Variants in RASAL2 observed in about 807,000 individuals in gnomAD.
The protein encoded by RASAL2 is RAS protein activator like 2, also known as ras GTPase-activating protein nGAP.
RASAL2 carries 58 observed loss-of-function variants against 128.9 expected under a neutral mutation model. The ratio of observed to expected loss-of-function variants is 0.45; its 90% CI spans 0.36 to 0.56. The LOEUF (loss-of-function observed/expected upper bound fraction) is 0.56, where lower values mean the gene tolerates loss of function less well. Among genes scored for constraint, RASAL2 ranks in the 20% least tolerant of loss-of-function variants. RASAL2 has a pLI of 0.00. For missense variants in RASAL2, 1,360 were observed against 1,601.6 expected (o/e 0.85, Z 2.57); for synonymous variants, 561 against 580.8 (o/e 0.97, Z 0.49).
chr1:178,260,363 A>AAT (rs71108040), intron 1 of RASAL2, among the ~76,000 whole-genome samples: 2 of 17,570 alleles, frequency 1.1e-4, no homozygotes, highest in African/African-American at 1.7e-4. Flanking sequence ...AAAAAAAAAA[A>AAT]ATATATATAT....
intron 1 of RASAL2, among the ~76,000 whole-genome samples, chr1:178,245,097 T>A (rs769062801): frequency 1.3e-5 from 2 of 152,228 alleles, no homozygotes; most frequent in Non-Finnish European, 2.9e-5. Context: ...TACCCAGTAA[T>A]GGGATTGCTG....
intron 1 of RASAL2, among the ~76,000 whole-genome samples, chr1:178,115,349 C>T (rs1659488488): frequency 2.0e-5 from 3 of 152,172 alleles, no homozygotes; most frequent in Admixed American, 2.0e-4. Context: ...TAGTTTATGT[C>T]TTCCCTGTTT....
intron 6 of RASAL2, 72 bp from the exon 7 acceptor site, chr1:178,441,477 G>T (rs1353330630): frequency 9.8e-7 from 1 of 1,021,720 alleles, no homozygotes; most frequent in African/African-American, 1.6e-5. Flanking sequence ...TTAGAGGTAT[G>T]CTGTGAACCC....
intron 3 of RASAL2, among the ~76,000 whole-genome samples, chr1:178,338,982 A>G (rs920057244): frequency 6.6e-6 from 1 of 152,244 alleles, no homozygotes; most frequent in Non-Finnish European, 1.5e-5. Context: ...AAAATGCCTG[A>G]CGTTAGTCAG....
chr1:178,397,525 T>C (rs147061065), intron 4 of RASAL2, among the ~76,000 whole-genome samples: 10 of 152,290 alleles, frequency 6.6e-5, no homozygotes, highest in South Asian at 2.1e-4. Flanking sequence ...TTTTACATAA[T>C]GAAAATGTTC....
chr1:178,197,805 T>G (rs771282416), intron 1 of RASAL2, among the ~76,000 whole-genome samples: 1 of 152,088 alleles, frequency 6.6e-6, no homozygotes, highest in Non-Finnish European at 1.5e-5. Context: ...ACCCATTAAC[T>G]CATCATTTAC....
At chr1:178,238,667 A>AT (rs1009285752) in intron 1 of RASAL2, among the ~76,000 whole-genome samples, 2 of 152,102 alleles carry the variant, frequency 1.3e-5, no homozygotes, top group Non-Finnish European at 2.9e-5. Flanking sequence ...CTATATATAT[A>AT]TGTAAATAAA....
In RASAL2 at chr1:178,450,929, A is replaced by G. The variant is rs139884896; in HGVS notation, c.1628-642A>G. ...GTGTATACTAGAGGATAAACAGGTA[A>G]GGTAGGAATTTGTTCTTTCAGGGAA... On this transcript the variant is annotated intron_variant, in intron 9 of 17. Transcript: ENST00000367649. Among the ~76,000 whole-genome samples the G allele has an allele frequency of 3.3e-3, 510 of 152,312 alleles. 2 individuals carry two copies. The highest frequency in any genetic ancestry group is 0.012 in the African/African-American group (484 of 41,576).
intron 1 of RASAL2, among the ~76,000 whole-genome samples, chr1:178,281,417 A>G (rs1666778104): frequency 6.6e-6 from 1 of 152,126 alleles, no homozygotes; most frequent in Non-Finnish European, 1.5e-5. Context: ...AGAATATTAG[A>G]CAGTGAGGCT....
At chr1:178,377,704 GA>G (rs1253253738) in intron 3 of RASAL2, among the ~76,000 whole-genome samples, 7 of 152,014 alleles carry the variant, frequency 4.6e-5, no homozygotes, top group Non-Finnish European at 4.4e-5. Flanking sequence ...GTGGGAGGGG[GA>G]AAAACATCCT....
chr1:178,159,853 C>T (rs1222493725), intron 1 of RASAL2, among the ~76,000 whole-genome samples: 2 of 151,944 alleles, frequency 1.3e-5, no homozygotes, highest in African/African-American at 2.4e-5. Context: ...TGCAGTGAGT[C>T]GAGATCGCGA....
At chr1:178,454,669 A>G (rs1677639022) in intron 12 of RASAL2, 21 bp downstream of exon 12, 1 of 1,602,126 alleles carries the variant, frequency 6.2e-7, no homozygotes, top group South Asian at 1.1e-5. Flanking sequence ...TTGGTGGAAG[A>G]TAGAGAACTT....
chr1:178,326,925 T>A (rs1008603008), intron 3 of RASAL2, among the ~76,000 whole-genome samples: 1 of 152,238 alleles, frequency 6.6e-6, no homozygotes, highest in African/African-American at 2.4e-5. Context: ...TATCACGTTT[T>A]AAGTGATGAT....
Position 178,451,725 on chromosome 1 carries a change from T to A in RASAL2, c.1772+10T>A. ...TCATCAACTCTTACTGGTGAGCTTA[T>A]CTTATCCTCTGCCTTACATTTTTTC... On this transcript the variant is annotated intron_variant, in intron 10 of 17. Coordinates refer to ENST00000367649, the MANE Select transcript of RASAL2 (RefSeq NM_170692.4). The A allele has an allele frequency of 6.2e-7, 1 of 1,610,534 alleles. No individual in the cohort carries two copies.
chr1:178,347,525 G>A (rs1670213823), intron 3 of RASAL2, among the ~76,000 whole-genome samples: 1 of 152,138 alleles, frequency 6.6e-6, no homozygotes, highest in African/African-American at 2.4e-5. Flanking sequence ...TTTTACAAAA[G>A]AGGTAATCCA....
intron 8 of RASAL2, among the ~76,000 whole-genome samples, chr1:178,444,884 G>A (rs1676892713): frequency 6.6e-6 from 1 of 151,998 alleles, no homozygotes; most frequent in African/African-American, 2.4e-5. Context: ...TGGTTTTCTG[G>A]GGAAAATAAA....
At chr1:178,336,638 T>G (rs923318725) in intron 3 of RASAL2, among the ~76,000 whole-genome samples, 41 of 151,760 alleles carry the variant, frequency 2.7e-4, no homozygotes, top group Non-Finnish European at 4.7e-4. Flanking sequence ...AATATATGTA[T>G]GTATGTATAA....
intron 1 of RASAL2, among the ~76,000 whole-genome samples, chr1:178,156,301 A>G (rs930459357): frequency 2.6e-5 from 4 of 152,166 alleles, no homozygotes; most frequent in African/African-American, 9.7e-5. Context: ...CATTTATTAA[A>G]CTTTATATGT....
intron 3 of RASAL2, among the ~76,000 whole-genome samples, chr1:178,343,519 A>G (rs1669989046): frequency 1.3e-5 from 2 of 152,342 alleles, no homozygotes; most frequent in South Asian, 2.1e-4. Context: ...ATATCTATGT[A>G]TATTATGTTG....
Sources: allele counts gnomAD v4.1 joint callset (sites outside exome capture counted in the v4.1 genomes callset), GRCh38; gene constraint gnomAD v4.1.1; transcripts MANE v1.5; gene names NCBI Gene and HGNC (gene_info 2026-07-23, HGNC 2026-07-21).